Variants in PXDNL observed in about 807,000 individuals in gnomAD.
PXDNL encodes probable oxidoreductase PXDNL.
In PXDNL, 145 loss-of-function variants were observed where a neutral mutation model predicts 150.8. The observed-to-expected ratio is 0.96, with a 90% CI of 0.84 to 1.10. The LOEUF is 1.10. PXDNL is among the 50% of genes least tolerant of loss of function. PXDNL has a pLI of 0.00. For synonymous variants in PXDNL, 757 were observed against 725.7 expected, an observed-to-expected ratio of 1.04 and a Z score of -0.69; for missense variants, 2,087 against 1,873.9, an observed-to-expected ratio of 1.11 and a Z score of -2.10.
chr8:51,696,846 G>GC (rs1563510429), intron 1 of PXDNL, among the ~76,000 whole-genome samples: 67 of 1,786 alleles, frequency 0.038, no homozygotes, highest in Middle Eastern at 0.5. Flanking sequence ...CACAGGTCCT[G>GC]ACACACACAC....
chr8:51,800,955 G>A (rs2037612499), intron 1 of PXDNL, among the ~76,000 whole-genome samples: 1 of 152,166 alleles, frequency 6.6e-6, no homozygotes, highest in Admixed American at 6.5e-5. Flanking sequence ...GAAACAAACA[G>A]AATAGCAGTG....
chr8:51,734,399 C>A (rs1816992848), intron 1 of PXDNL, among the ~76,000 whole-genome samples: 1 of 151,982 alleles, frequency 6.6e-6, no homozygotes, highest in Non-Finnish European at 1.5e-5. Context: ...TATTTAAGTC[C>A]CACTTGACCT....
chr8:51,366,573 T>C (rs2130768146), intron 19 of PXDNL, among the ~76,000 whole-genome samples: 1 of 151,758 alleles, frequency 6.6e-6, no homozygotes, highest in Admixed American at 6.5e-5. Context: ...AAGATACGTT[T>C]TACGTATTTA....
In PXDNL at chr8:51,447,178, AAG is replaced by A. The variant is rs1232239128; in HGVS notation, c.1367-18_1367-17del. Reference sequence around the variant, plus strand: ...AGCTGCCCTCCTGCAAAAAGAGGTAAAGAAAGTATTCTTCATGGCCCAGAGCA... The same window carrying A: ...AGCTGCCCTCCTGCAAAAAGAGGTAAAAAGTATTCTTCATGGCCCAGAGCA... On this transcript the variant is annotated splice_polypyrimidine_tract_variant and intron_variant, in intron 11 of 22. Transcript: ENST00000356297. 3 of 1,611,986 alleles carry A rather than the reference AAG, an allele frequency of 1.9e-6. No individual in the cohort carries two copies. The highest frequency in any genetic ancestry group is 2.5e-6 in the Non-Finnish European group (3 of 1,178,784).
At chr8:51,416,150 T>C (rs1808793779) in intron 14 of PXDNL, among the ~76,000 whole-genome samples, 1 of 152,230 alleles carries the variant, frequency 6.6e-6, no homozygotes, top group Non-Finnish European at 1.5e-5. Flanking sequence ...CTTCTGTTTG[T>C]GACAAGTATT....
rs555026080 is a variant in PXDNL, at chr8:51,344,687, C to G, written c.4016+1146G>C. On this transcript the variant is annotated intron_variant, in intron 20 of 22. Transcript: ENST00000356297. The stretch of plus-strand genomic sequence containing the variant: ...AATGTTTGGCATTCAGTGAACACTA[C>G]AACAGCATGTGTCATTACAGAATGT... 1.2e-3 allele frequency among the ~76,000 whole-genome samples: 182 copies of G among 152,322 alleles called. 1 individual carries two copies. The highest frequency in any genetic ancestry group is 4.3e-3 in the African/African-American group (180 of 41,566).
intron 4 of PXDNL, among the ~76,000 whole-genome samples, chr8:51,509,351 G>T (rs960930216): frequency 6.6e-6 from 1 of 152,062 alleles, no homozygotes; most frequent in African/African-American, 2.4e-5. Flanking sequence ...CATGCCAACT[G>T]TCCTTCAAAA....
At chr8:51,684,954 A>G (rs1020511100) in intron 1 of PXDNL, among the ~76,000 whole-genome samples, 1 of 152,224 alleles carries the variant, frequency 6.6e-6, no homozygotes, top group Admixed American at 6.5e-5. Context: ...AATCTCAGCT[A>G]TGGGAGACCC....
intron 19 of PXDNL, among the ~76,000 whole-genome samples, chr8:51,358,098 C>T (rs1432076589): frequency 2.0e-5 from 3 of 152,106 alleles, no homozygotes; most frequent in South Asian, 2.1e-4. Flanking sequence ...AATTATCCCA[C>T]GTTTCTCCAC....
intron 12 of PXDNL, among the ~76,000 whole-genome samples, chr8:51,438,313 A>G (rs1274140556): frequency 2.0e-5 from 3 of 149,976 alleles, no homozygotes; most frequent in Non-Finnish European, 4.4e-5. Context: ...AAAAAAAGCA[A>G]TTCTAAAATT....
chr8:51,533,996 T>C (rs1303883870), intron 4 of PXDNL, among the ~76,000 whole-genome samples: 1 of 148,452 alleles, frequency 6.7e-6, no homozygotes, highest in Non-Finnish European at 1.5e-5. Context: ...GTCTGGAAAG[T>C]GAGGAGCGTC....
intron 4 of PXDNL, among the ~76,000 whole-genome samples, chr8:51,556,554 C>T (rs1479216884): frequency 6.6e-6 from 1 of 152,154 alleles, no homozygotes; most frequent in African/African-American, 2.4e-5. Flanking sequence ...GAAATATGTG[C>T]ATTTCAGGAT....
chr8:51,591,432 C>A (rs1242843906), intron 3 of PXDNL, among the ~76,000 whole-genome samples: 2 of 150,496 alleles, frequency 1.3e-5, no homozygotes, highest in Non-Finnish European at 3.0e-5. Context: ...ACACAGGAGG[C>A]TTTGAGGCTC....
rs573672382 is a variant in PXDNL, at chr8:51,580,540, T to C, written c.308+12087A>G. 3.3e-5 allele frequency among the ~76,000 whole-genome samples: 5 copies of C among 152,256 alleles called. No individual in the cohort carries two copies. The South Asian group carries it at 1.0e-3, about 32-fold the overall frequency. On this transcript the variant is annotated intron_variant, in intron 3 of 22. Coordinates refer to ENST00000356297, the MANE Select transcript of PXDNL (RefSeq NM_144651.5). ...CATTTTATCATACAAAACCAATTTG[T>C]TCCACACATCTGTTCATTAGACTTT...
chr8:51,791,072 T>C (rs1396027316), intron 1 of PXDNL, among the ~76,000 whole-genome samples: 1 of 152,096 alleles, frequency 6.6e-6, no homozygotes, highest in South Asian at 2.1e-4. Context: ...GCGAGGAGAC[T>C]GACACCAAAG....
In PXDNL at chr8:51,720,410, G is replaced by A. The variant is rs145773244; in HGVS notation, c.165-65650C>T. ...CCAACTTCCTACTTTACTGTCAGCT[G>A]TTATTTGTAAATAGATACTATTTAT... On this transcript the variant is annotated intron_variant, in intron 1 of 22. Coordinates refer to ENST00000356297, the MANE Select transcript of PXDNL (RefSeq NM_144651.5). Among the ~76,000 whole-genome samples, 47 of 152,122 alleles carry A rather than the reference G, an allele frequency of 3.1e-4. No individual in the cohort carries two copies. In the East Asian group the frequency reaches 6.2e-3, roughly 20 times the overall value.
At chr8:51,702,980 A>G (rs1816288623) in intron 1 of PXDNL, among the ~76,000 whole-genome samples, 1 of 152,096 alleles carries the variant, frequency 6.6e-6, no homozygotes. Flanking sequence ...CATTTTTATC[A>G]TCACGTTTCC....
chr8:51,594,436 G>T (rs532548881), intron 2 of PXDNL, among the ~76,000 whole-genome samples: 4 of 152,160 alleles, frequency 2.6e-5, no homozygotes, highest in Non-Finnish European at 5.9e-5. Flanking sequence ...AAACGGAAAA[G>T]ATATTACATA....
At chr8:51,353,992 T>G (rs1806429560) in intron 19 of PXDNL, among the ~76,000 whole-genome samples, 1 of 152,116 alleles carries the variant, frequency 6.6e-6, no homozygotes, top group Non-Finnish European at 1.5e-5. Context: ...GATAAAGCAG[T>G]CTTCGACTTT....
Sources: gnomAD v4.1 joint callset for allele counts (sites outside exome capture counted in the v4.1 genomes callset) on GRCh38, gnomAD v4.1.1 for gene constraint, MANE v1.5 for transcripts, NCBI Gene and HGNC (gene_info 2026-07-23, HGNC 2026-07-21) for gene names.